The following PRKN variants were observed in gnomAD, a reference collection of about 807,000 sequenced individuals.
The protein encoded by PRKN is E3 ubiquitin-protein ligase parkin.
In PRKN, 56 loss-of-function variants were observed where a neutral mutation model predicts 59.5. The observed-to-expected ratio is 0.94, with a 90% CI of 0.76 to 1.18. The LOEUF (loss-of-function observed/expected upper bound fraction) is 1.18. PRKN is among the 50% of genes most tolerant of loss of function. PRKN has a pLI of 0.00. For synonymous variants in PRKN, 250 were observed against 222.1 expected (o/e 1.13, Z -1.12); for missense variants, 657 against 596.4 (o/e 1.10, Z -1.06).
chr6:162,288,202 A>G (rs1305773848), intron 2 of PRKN, among the ~76,000 whole-genome samples: 1 of 152,070 alleles, frequency 6.6e-6, no homozygotes, highest in Non-Finnish European at 1.5e-5. Context: ...CCCACATCCT[A>G]TCCTCATCCT....
chr6:162,544,245 A>G (rs1779032462), intron 1 of PRKN, among the ~76,000 whole-genome samples: 1 of 152,188 alleles, frequency 6.6e-6, no homozygotes, highest in South Asian at 2.1e-4. Flanking sequence ...CCCTGAGGAC[A>G]CACAGAGATG....
intron 5 of PRKN, among the ~76,000 whole-genome samples, chr6:162,022,772 AG>A (rs1783257841): frequency 6.6e-6 from 1 of 152,152 alleles, no homozygotes; most frequent in African/African-American, 2.4e-5. Flanking sequence ...GTTTTCTTCT[AG>A]GATTTTAATA....
chr6:162,283,352 T>A (rs938636240), intron 2 of PRKN, among the ~76,000 whole-genome samples: 1 of 152,084 alleles, frequency 6.6e-6, no homozygotes, highest in Non-Finnish European at 1.5e-5. Context: ...CATATTTCAA[T>A]CCAACTGAAA....
intron 7 of PRKN, among the ~76,000 whole-genome samples, chr6:161,746,754 T>C (rs947810708): frequency 1.2e-4 from 18 of 146,670 alleles, no homozygotes; most frequent in African/African-American, 3.8e-4. Flanking sequence ...TATGCACATA[T>C]ATATCTATAT....
At chr6:161,999,494 G>A (rs993269000) in intron 5 of PRKN, among the ~76,000 whole-genome samples, 8 of 152,108 alleles carry the variant, frequency 5.3e-5, no homozygotes, top group Non-Finnish European at 7.4e-5. Flanking sequence ...ATCTATGCAT[G>A]AGCAAATATT....
chr6:162,331,323 T>C (rs1271869673), intron 2 of PRKN, among the ~76,000 whole-genome samples: 1 of 152,160 alleles, frequency 6.6e-6, no homozygotes, highest in African/African-American at 2.4e-5. Context: ...AGCCAAACCA[T>C]ATCAACCATC....
At chr6:162,628,893 A>T (rs1782998582) in intron 1 of PRKN, among the ~76,000 whole-genome samples, 2 of 152,138 alleles carry the variant, frequency 1.3e-5, no homozygotes, top group African/African-American at 4.8e-5. Flanking sequence ...AACCCAGTGA[A>T]GGTTAATAAG....
intron 2 of PRKN, among the ~76,000 whole-genome samples, chr6:162,297,989 T>A (rs142241261): frequency 1.3e-5 from 2 of 152,234 alleles, no homozygotes; most frequent in African/African-American, 4.8e-5. Flanking sequence ...GGATTCTCTG[T>A]CCTATTATTC....
intron 6 of PRKN, among the ~76,000 whole-genome samples, chr6:161,958,374 T>C (rs1780260338): frequency 6.6e-6 from 1 of 152,194 alleles, no homozygotes; most frequent in Non-Finnish European, 1.5e-5. Context: ...TCCCTAACTT[T>C]TCTTTAAGAT....
intron 1 of PRKN, among the ~76,000 whole-genome samples, chr6:162,660,901 A>T (rs754930647): frequency 3.3e-5 from 5 of 152,138 alleles, no homozygotes; most frequent in African/African-American, 1.2e-4. Flanking sequence ...TTTGATTTTC[A>T]AATTAAAGAG....
chr6:161,638,738 A>AGTTTTTTTTTT (rs1783620706), intron 7 of PRKN, among the ~76,000 whole-genome samples: 1 of 100,224 alleles, frequency 1.0e-5, no homozygotes, highest in African/African-American at 4.5e-5. Flanking sequence ...ACGAGATCTG[A>AGTTTTTTTTTT]TTTTTTTTTT....
intron 6 of PRKN, among the ~76,000 whole-genome samples, chr6:161,806,382 C>T (rs1401642334): frequency 2.0e-5 from 3 of 152,192 alleles, no homozygotes; most frequent in Non-Finnish European, 2.9e-5. Context: ...GACTCGAAAG[C>T]ACCCGCATCA....
At chr6:161,665,419 A>G (rs1256227658) in intron 7 of PRKN, among the ~76,000 whole-genome samples, 2 of 152,202 alleles carry the variant, frequency 1.3e-5, no homozygotes, top group Non-Finnish European at 2.9e-5. Context: ...TGACTATTGC[A>G]TAATGGTAGA....
At chr6:162,367,379 C>T (rs1785500295) in intron 2 of PRKN, among the ~76,000 whole-genome samples, 1 of 152,144 alleles carries the variant, frequency 6.6e-6, no homozygotes, top group South Asian at 2.1e-4. Flanking sequence ...ATGCTATGAA[C>T]ATTTTCTTTT....
At chr6:161,616,889 C>T (rs1782718919) in intron 7 of PRKN, among the ~76,000 whole-genome samples, 1 of 152,064 alleles carries the variant, frequency 6.6e-6, no homozygotes, top group East Asian at 1.9e-4. Context: ...TGTGTCTTTA[C>T]AGTAAAATGA....
chr6:162,508,264 TC>T (rs1157087730), intron 1 of PRKN, among the ~76,000 whole-genome samples: 1 of 152,052 alleles, frequency 6.6e-6, no homozygotes, highest in African/African-American at 2.4e-5. Flanking sequence ...TCAAATTATC[TC>T]CCACCAGGTC....
chr6:161,543,694 A>G (rs1277802126), intron 9 of PRKN, among the ~76,000 whole-genome samples: 1 of 152,230 alleles, frequency 6.6e-6, no homozygotes, highest in African/African-American at 2.4e-5. Context: ...AAAACAGAAA[A>G]TTCCTTATCC....
At chr6:162,168,031 CT>C (rs1373963586) in intron 4 of PRKN, among the ~76,000 whole-genome samples, 2 of 152,060 alleles carry the variant, frequency 1.3e-5, no homozygotes, top group Admixed American at 1.3e-4. Flanking sequence ...AAAAGAAAGA[CT>C]TTGAAGACAA....
chr6:161,987,124 G>A (rs1781464251), intron 5 of PRKN, among the ~76,000 whole-genome samples: 1 of 152,164 alleles, frequency 6.6e-6, no homozygotes, highest in South Asian at 2.1e-4. Context: ...GCAAAGGCAA[G>A]TGCTTAACAC....
Sources: allele counts gnomAD v4.1 joint callset (sites outside exome capture counted in the v4.1 genomes callset), GRCh38; gene constraint gnomAD v4.1.1; transcripts MANE v1.5; gene names NCBI Gene and HGNC (gene_info 2026-07-23, HGNC 2026-07-21).